CDH13: variants seen among roughly 807,000 people sequenced by gnomAD.
CDH13 encodes cadherin 13, also known as cadherin-13.
A neutral mutation model predicts 63.8 loss-of-function variants in CDH13; 24 were observed. The ratio of observed to expected loss-of-function variants is 0.38; its 90% CI spans 0.27 to 0.53. The LOEUF (loss-of-function observed/expected upper bound fraction) is 0.53. Among genes scored for constraint, CDH13 ranks in the 20% least tolerant of loss-of-function variants. The pLI is 0.85. For missense variants in CDH13, 1,049 were observed against 903.1 expected (o/e 1.16, Z -2.07); for synonymous variants, 503 against 355.3 (o/e 1.42, Z -4.67).
At chr16:83,100,792 A>G in intron 3 of CDH13, among the ~76,000 whole-genome samples, 1 of 152,182 alleles carries the variant, frequency 6.6e-6, no homozygotes, top group East Asian at 1.9e-4. Flanking sequence ...CACTTGCAGC[A>G]CCCATGGGTG....
chr16:82,630,627 C>G (rs1327557585), intron 1 of CDH13, among the ~76,000 whole-genome samples: 2 of 152,232 alleles, frequency 1.3e-5, no homozygotes, highest in African/African-American at 4.8e-5. Flanking sequence ...GATGTGTAAA[C>G]TGAGCCTCAA....
At chr16:82,849,407 C>T (rs539085146) in intron 1 of CDH13, among the ~76,000 whole-genome samples, 101 of 152,220 alleles carry the variant, frequency 6.6e-4, no homozygotes, top group African/African-American at 2.4e-3. Flanking sequence ...GAGGCCAAGG[C>T]AGGAGAATCG....
chr16:83,514,250 C>G (rs1313581771), intron 7 of CDH13, among the ~76,000 whole-genome samples: 1 of 152,150 alleles, frequency 6.6e-6, no homozygotes, highest in Non-Finnish European at 1.5e-5. Context: ...TCATGTCTAC[C>G]CAGAACCTCA....
At chr16:82,901,962 A>G (rs1252205681) in intron 2 of CDH13, among the ~76,000 whole-genome samples, 1 of 152,154 alleles carries the variant, frequency 6.6e-6, no homozygotes, top group African/African-American at 2.4e-5. Flanking sequence ...TAGCAACCTC[A>G]CTTTCTCTGA....
chr16:82,850,232 G>GA (rs397829446), intron 1 of CDH13, among the ~76,000 whole-genome samples: 14 of 152,084 alleles, frequency 9.2e-5, no homozygotes, highest in African/African-American at 3.1e-4. Context: ...TTCATGGGGG[G>GA]TGGTTAAAAT....
chr16:83,233,497 G>A (rs1161393457), intron 5 of CDH13, among the ~76,000 whole-genome samples: 1 of 152,226 alleles, frequency 6.6e-6, no homozygotes, highest in Non-Finnish European at 1.5e-5. Context: ...GTTTAGGTCA[G>A]AAGTCCGACA....
intron 4 of CDH13, among the ~76,000 whole-genome samples, chr16:83,137,108 C>G (rs757438111): frequency 6.6e-6 from 1 of 152,160 alleles, no homozygotes; most frequent in Non-Finnish European, 1.5e-5. Context: ...GAGTGAAGCC[C>G]TCCATTGTGG....
At chr16:83,210,370 C>T (rs1003186355) in intron 4 of CDH13, among the ~76,000 whole-genome samples, 1 of 151,840 alleles carries the variant, frequency 6.6e-6, no homozygotes, top group Admixed American at 6.6e-5. Context: ...AGGCCGATTG[C>T]AAGTTTTCAT....
chr16:83,570,099 G>A (rs1255814753), intron 7 of CDH13, among the ~76,000 whole-genome samples: 1 of 152,130 alleles, frequency 6.6e-6, no homozygotes, highest in African/African-American at 2.4e-5. Context: ...CCCTGGTCCT[G>A]TGTAGCCCCT....
Position 83,797,682 on chromosome 16 carries a change from C to G in CDH13, c.*2652C>G, listed in dbSNP as rs1370905115. 1 of 152,196 alleles carries G rather than the reference C, an allele frequency of 6.6e-6. No individual in the cohort carries two copies. Among genetic ancestry groups the G allele is most frequent in the East Asian group, 1.9e-4 (1 of 5,204 alleles). 9.4% of individuals were successfully genotyped at this position (152,196 alleles called of 1,614,324 possible). On this transcript the variant is annotated 3_prime_UTR_variant, in exon 14 of 14. Coordinates refer to ENST00000567109, the MANE Select transcript of CDH13 (RefSeq NM_001257.5). ...TTTCATTATTACCTATGCATTTTAT[C>G]TGAGTCCAACTTATTAAAAAACGAA... is the stretch of plus-strand genomic sequence containing the variant.
chr16:83,006,757 G>C (rs571636761), intron 2 of CDH13, among the ~76,000 whole-genome samples: 1 of 152,250 alleles, frequency 6.6e-6, no homozygotes, highest in Non-Finnish European at 1.5e-5. Context: ...TTTATTTTCA[G>C]AAACAGGTTT....
At chr16:82,835,725 T>A (rs1454801193) in intron 1 of CDH13, among the ~76,000 whole-genome samples, 1 of 152,168 alleles carries the variant, frequency 6.6e-6, no homozygotes, top group African/African-American at 2.4e-5. Context: ...GTTTTGCTGG[T>A]CTCAACTCAT....
At chr16:83,532,508 A>G (rs961466494) in intron 7 of CDH13, among the ~76,000 whole-genome samples, 1 of 152,262 alleles carries the variant, frequency 6.6e-6, no homozygotes, top group Non-Finnish European at 1.5e-5. Context: ...TAGAAGCCAC[A>G]TGCGGGCTCT....
At chr16:83,133,133 A>C (rs1309668716) in intron 4 of CDH13, among the ~76,000 whole-genome samples, 1 of 152,250 alleles carries the variant, frequency 6.6e-6, no homozygotes, top group Non-Finnish European at 1.5e-5. Context: ...ATTGGGGCTC[A>C]AAAAGTAACA....
At chr16:82,912,812 G>A (rs1372589975) in intron 2 of CDH13, among the ~76,000 whole-genome samples, 9 of 151,978 alleles carry the variant, frequency 5.9e-5, no homozygotes, top group Admixed American at 3.3e-4. Context: ...GCGTGGTGGC[G>A]GGCACCTGTA....
At chr16:83,248,311 C>T (rs1905165088) in intron 5 of CDH13, among the ~76,000 whole-genome samples, 2 of 152,096 alleles carry the variant, frequency 1.3e-5, no homozygotes, top group African/African-American at 4.8e-5. Flanking sequence ...CATAAAAATC[C>T]TACCCTCTAG....
chr16:82,676,528 C>T (rs1913928755), intron 1 of CDH13, among the ~76,000 whole-genome samples: 1 of 149,384 alleles, frequency 6.7e-6, no homozygotes. Context: ...TCAATCTGGC[C>T]CCCCAGATGG....
chr16:83,610,211 T>G (rs951961577), intron 8 of CDH13, among the ~76,000 whole-genome samples: 1 of 152,202 alleles, frequency 6.6e-6, no homozygotes. Flanking sequence ...TATCTGCGTT[T>G]TCTCTCACAT....
chr16:82,694,526 C>G (rs74757718), intron 1 of CDH13, among the ~76,000 whole-genome samples: 5,301 of 152,226 alleles, frequency 0.035, 134 homozygotes, highest in African/African-American at 0.064. Flanking sequence ...TATGATTATA[C>G]TAAGACTATA....
Sources: gnomAD v4.1 joint callset for allele counts (sites outside exome capture counted in the v4.1 genomes callset) on GRCh38, gnomAD v4.1.1 for gene constraint, MANE v1.5 for transcripts, NCBI Gene and HGNC (gene_info 2026-07-23, HGNC 2026-07-21) for gene names.